Variants in CLSTN2 observed in about 807,000 individuals in gnomAD.
CLSTN2 encodes calsyntenin 2.
Under a neutral mutation model 101.2 loss-of-function variants are expected in CLSTN2, and 48 were observed. That is an observed-to-expected ratio of 0.47 (90% CI 0.38 to 0.60). The LOEUF is 0.60. Among genes scored for constraint, CLSTN2 ranks in the 20% least tolerant of loss-of-function variants. CLSTN2 has a pLI of 0.00. For missense variants in CLSTN2, 1,160 were observed against 1,238.2 expected, an observed-to-expected ratio of 0.94 and a Z score of 0.95; for synonymous variants, 481 against 463.6, an observed-to-expected ratio of 1.04 and a Z score of -0.48.
At chr3:140,323,866 C>T (rs186695041) in intron 2 of CLSTN2, among the ~76,000 whole-genome samples, 168 of 152,304 alleles carry the variant, frequency 1.1e-3, no homozygotes, top group Non-Finnish European at 1.5e-4. Context: ...CCAGCATGGG[C>T]TTCTGTCCTG....
chr3:140,503,247 C>T (rs1430709702), intron 8 of CLSTN2, among the ~76,000 whole-genome samples: 1 of 152,194 alleles, frequency 6.6e-6, no homozygotes, highest in Non-Finnish European at 1.5e-5. Flanking sequence ...TGTTTAAGTA[C>T]AGTCATGTGC....
chr3:140,289,527 A>G (rs939461217), intron 2 of CLSTN2, among the ~76,000 whole-genome samples: 1 of 152,116 alleles, frequency 6.6e-6, no homozygotes, highest in Non-Finnish European at 1.5e-5. Context: ...CCATATCACA[A>G]TCCCATCTGT....
chr3:140,175,876 A>C (rs761497496), intron 1 of CLSTN2, 75 bp from the exon 2 acceptor site: 3 of 1,407,112 alleles, frequency 2.1e-6, no homozygotes, highest in Non-Finnish European at 2.9e-6. Flanking sequence ...GCAAATATAC[A>C]ATCTTAATAA....
intron 10 of CLSTN2, among the ~76,000 whole-genome samples, chr3:140,548,978 G>C (rs1035240735): frequency 9.5e-5 from 14 of 147,948 alleles, no homozygotes; most frequent in African/African-American, 3.3e-4. Flanking sequence ...TACACACACA[G>C]AGTTGCTCTC....
At chr3:140,085,103 C>T (rs2008658878) in intron 1 of CLSTN2, among the ~76,000 whole-genome samples, 1 of 152,226 alleles carries the variant, frequency 6.6e-6, no homozygotes, top group African/African-American at 2.4e-5. Context: ...CAGCCTCTCT[C>T]CACCAGCACA....
intron 2 of CLSTN2, among the ~76,000 whole-genome samples, chr3:140,344,587 G>A (rs1036954757): frequency 1.3e-5 from 2 of 152,082 alleles, no homozygotes; most frequent in African/African-American, 4.8e-5. Context: ...CCCACTGGGG[G>A]TCCAACTACC....
At chr3:140,022,349 T>C (rs1324584382) in intron 1 of CLSTN2, among the ~76,000 whole-genome samples, 2 of 152,224 alleles carry the variant, frequency 1.3e-5, no homozygotes, top group Non-Finnish European at 2.9e-5. Context: ...AGAACACTCC[T>C]GCCACCAGGC....
At chr3:140,488,873 T>C (rs1235037936) in intron 8 of CLSTN2, among the ~76,000 whole-genome samples, 2 of 152,082 alleles carry the variant, frequency 1.3e-5, no homozygotes, top group East Asian at 3.9e-4. Context: ...CTAGATCTGA[T>C]TGGCTATGTG....
At chr3:140,550,079 C>T (rs1279201465) in intron 10 of CLSTN2, among the ~76,000 whole-genome samples, 2 of 151,230 alleles carry the variant, frequency 1.3e-5, no homozygotes, top group East Asian at 4.0e-4. Context: ...TGGGAAAGAG[C>T]AAGAACTTTA....
chr3:140,332,160 T>A (rs1287215017), intron 2 of CLSTN2, among the ~76,000 whole-genome samples: 1 of 152,100 alleles, frequency 6.6e-6, no homozygotes, highest in African/African-American at 2.4e-5. Context: ...CAGTGACAGA[T>A]GATTACCTGA....
chr3:140,249,599 A>T (rs906348104), intron 2 of CLSTN2, among the ~76,000 whole-genome samples: 1 of 152,104 alleles, frequency 6.6e-6, no homozygotes, highest in African/African-American at 2.4e-5. Context: ...TATCCTTTTT[A>T]CCAACTCTAT....
intron 5 of CLSTN2, among the ~76,000 whole-genome samples, chr3:140,423,188 G>T (rs1271101620): frequency 6.6e-6 from 1 of 152,168 alleles, no homozygotes; most frequent in Non-Finnish European, 1.5e-5. Context: ...AACAGAATTT[G>T]TACTTATTAA....
At chr3:140,021,490 T>C (rs1475817397) in intron 1 of CLSTN2, among the ~76,000 whole-genome samples, 1 of 152,190 alleles carries the variant, frequency 6.6e-6, no homozygotes, top group African/African-American at 2.4e-5. Flanking sequence ...AGCCCTGTCC[T>C]GTTAGAAACT....
In CLSTN2 at chr3:140,392,373, A is replaced by G. The variant is rs145697756; in HGVS notation, c.233-11256A>G. Among the ~76,000 whole-genome samples the G allele has an allele frequency of 1.4e-3, 209 of 152,140 alleles. 1 individual carries two copies. Among genetic ancestry groups the G allele is most frequent in the African/African-American group, 4.8e-3 (199 of 41,524 alleles). On this transcript the variant is annotated intron_variant, in intron 2 of 16. Transcript: ENST00000458420. ...TTAAAAAGTCTTTCAAATCCTGTGT[A>G]TATTTTACAGTCTAAGACATCTCAA...
intron 1 of CLSTN2, among the ~76,000 whole-genome samples, chr3:140,029,143 T>A (rs2007493823): frequency 6.6e-6 from 1 of 152,208 alleles, no homozygotes; most frequent in Non-Finnish European, 1.5e-5. Flanking sequence ...TTCCTTTTTT[T>A]TCTTGCCTTC....
At chr3:139,944,438 C>T (rs1935184878) in intron 1 of CLSTN2, among the ~76,000 whole-genome samples, 1 of 152,206 alleles carries the variant, frequency 6.6e-6, no homozygotes, top group Non-Finnish European at 1.5e-5. Context: ...GGTGCCCAGC[C>T]AAGACTGAGA....
At chr3:140,300,918 G>A (rs1347860260) in intron 2 of CLSTN2, among the ~76,000 whole-genome samples, 2 of 152,114 alleles carry the variant, frequency 1.3e-5, no homozygotes, top group African/African-American at 4.8e-5. Flanking sequence ...AAGAAAGCCA[G>A]GGTATAATTG....
chr3:140,050,551 G>A lies in CLSTN2; in HGVS notation c.109+115068G>A, dbSNP rs535841376. On this transcript the variant is annotated intron_variant, in intron 1 of 16. Transcript: ENST00000458420. Reference sequence around the variant, plus strand: ...GCCGAAGAGCTGCAGCTGTAGGAGTGAGGCCAGCCCATAGGAATTGTGACC... The same window carrying A: ...GCCGAAGAGCTGCAGCTGTAGGAGTAAGGCCAGCCCATAGGAATTGTGACC... 2.0e-5 allele frequency among the ~76,000 whole-genome samples: 3 copies of A among 152,346 alleles called. No homozygotes were observed. In the East Asian group the frequency reaches 5.8e-4, roughly 29 times the overall value.
At chr3:139,976,492 G>A (rs999290427) in intron 1 of CLSTN2, among the ~76,000 whole-genome samples, 1 of 152,250 alleles carries the variant, frequency 6.6e-6, no homozygotes, top group African/African-American at 2.4e-5. Context: ...GAGGGAAACT[G>A]AGGCTCAGGG....
Sources: allele counts gnomAD v4.1 joint callset (sites outside exome capture counted in the v4.1 genomes callset), GRCh38; gene constraint gnomAD v4.1.1; transcripts MANE v1.5; gene names NCBI Gene and HGNC (gene_info 2026-07-23, HGNC 2026-07-21).